The following AP3S2 variants were observed in gnomAD, a reference collection of about 807,000 sequenced individuals.
AP3S2 encodes adaptor related protein complex 3 subunit sigma 2, also known as AP-3 complex subunit sigma-2.
In AP3S2, 22 loss-of-function variants were observed where a neutral mutation model predicts 23.4. The observed-to-expected ratio is 0.94, with a 90% CI of 0.67 to 1.34. AP3S2 has a LOEUF of 1.34. AP3S2 is among the 40% of genes most tolerant of loss of function. The probability of loss-of-function intolerance (pLI) is 0.00; values close to 1 mark genes in which losing one functional copy is unlikely to be tolerated. For synonymous variants in AP3S2, 86 were observed against 87.1 expected (o/e 0.99, Z 0.07); for missense variants, 241 against 236.9 (o/e 1.02, Z -0.11).
intron 3 of AP3S2, chr15:89,877,259 T>G: frequency 8.1e-7 from 1 of 1,230,556 alleles, no homozygotes; most frequent in Non-Finnish European, 1.1e-6. Flanking sequence ...GGATTGGGTT[T>G]CACATCTTCA....
At chr15:89,857,033 A>G (rs1035922939) in intron 4 of AP3S2, among the ~76,000 whole-genome samples, 2 of 152,214 alleles carry the variant, frequency 1.3e-5, no homozygotes, top group Non-Finnish European at 2.9e-5. Context: ...TTTACAATCT[A>G]CTAGAAACAG....
chr15:89,835,342 G>A lies in AP3S2; in HGVS notation c.*173C>T, dbSNP rs1193991022. On this transcript the variant is annotated 3_prime_UTR_variant, in exon 6 of 6. Transcript: ENST00000336418. ...TGAGAACTGGGTGCACCCGAGCAGT[G>A]TCAATAGGAATCCCTTCCCTATTCC... is the stretch of plus-strand genomic sequence containing the variant. The A allele has an allele frequency of 8.7e-7, 1 of 1,149,196 alleles. No individual in the cohort carries two copies. Among genetic ancestry groups the A allele is most frequent in the East Asian group, 2.4e-5 (1 of 41,432 alleles). 71.2% of individuals were successfully genotyped at this position (1,149,196 alleles called of 1,614,324 possible).
chr15:89,859,399 C>CTTTTTT (rs58123055), intron 4 of AP3S2, among the ~76,000 whole-genome samples: 8 of 118,044 alleles, frequency 6.8e-5, no homozygotes, highest in Admixed American at 2.0e-4. Context: ...TTCTTTCTTT[C>CTTTTTT]TTTTTTTTTT....
intron 4 of AP3S2, among the ~76,000 whole-genome samples, chr15:89,867,270 TC>T (rs1231843545): frequency 6.7e-6 from 1 of 150,126 alleles, no homozygotes; most frequent in Non-Finnish European, 1.5e-5. Context: ...AGCCTTGGCC[TC>T]CCGAGGTGCC....
intron 4 of AP3S2, among the ~76,000 whole-genome samples, chr15:89,853,285 G>A (rs1364040247): frequency 1.3e-5 from 2 of 152,122 alleles, no homozygotes; most frequent in Non-Finnish European, 2.9e-5. Flanking sequence ...TAAAAATAAA[G>A]ACAAATTCAC....
chr15:89,842,544 T>C (rs1391537567), intron 4 of AP3S2, among the ~76,000 whole-genome samples: 2 of 152,256 alleles, frequency 1.3e-5, no homozygotes, highest in Non-Finnish European at 2.9e-5. Context: ...TAATATTTAA[T>C]GCTAACAGAA....
chr15:89,891,340 A>G (rs1365800020), intron 1 of AP3S2, among the ~76,000 whole-genome samples: 7 of 152,204 alleles, frequency 4.6e-5, no homozygotes, highest in Admixed American at 4.6e-4. Context: ...GCTCAACATC[A>G]TTAGTCATTT....
chr15:89,868,045 T>C (rs1235951654), intron 4 of AP3S2, among the ~76,000 whole-genome samples: 1 of 124,892 alleles, frequency 8.0e-6, no homozygotes, highest in Non-Finnish European at 1.7e-5. Flanking sequence ...GGGGCGCCTC[T>C]GCCCGGCCGC....
At chr15:89,866,593 C>T (rs1896128109) in intron 4 of AP3S2, among the ~76,000 whole-genome samples, 1 of 151,240 alleles carries the variant, frequency 6.6e-6, no homozygotes, top group Admixed American at 6.6e-5. Flanking sequence ...TCAAGTGATT[C>T]TCCTGTCTCA....
At chr15:89,889,208 G>A in intron 1 of AP3S2, 68 bp from the exon 2 acceptor site, 2 of 1,535,274 alleles carry the variant, frequency 1.3e-6, no homozygotes, top group Admixed American at 1.7e-5. Context: ...CATGGGGATG[G>A]ACAAGGGAAG....
chr15:89,847,019 A>G (rs540926704), intron 4 of AP3S2, among the ~76,000 whole-genome samples: 4 of 152,226 alleles, frequency 2.6e-5, no homozygotes, highest in Admixed American at 6.5e-5. Flanking sequence ...CATCCCTTGA[A>G]GGTACTTGCT....
Position 89,835,871 on chromosome 15 carries a change from T to C in AP3S2, c.454-228A>G, listed in dbSNP as rs147800094. Among the ~76,000 whole-genome samples, 983 of 151,948 alleles carry C rather than the reference T, an allele frequency of 6.5e-3. 2 individuals are homozygous for C. The highest frequency in any genetic ancestry group is 0.024 in the Middle Eastern group (7 of 294). On this transcript the variant is annotated intron_variant, in intron 5 of 5. Transcript: ENST00000336418. ...GGTGAAACCCCATCTCTACCAAAAATACAAAAATTGGCCAGGAGTGGTGGC... is the reference window on the plus strand; with the variant it reads ...GGTGAAACCCCATCTCTACCAAAAACACAAAAATTGGCCAGGAGTGGTGGC...
chr15:89,875,720 G>A (rs1288325924), intron 3 of AP3S2, among the ~76,000 whole-genome samples: 2 of 152,152 alleles, frequency 1.3e-5, no homozygotes, highest in African/African-American at 4.8e-5. Flanking sequence ...AGGCCAAGGT[G>A]GGCAAATTGC....
At chr15:89,867,994 G>A (rs1486539471) in intron 4 of AP3S2, among the ~76,000 whole-genome samples, 5 of 145,456 alleles carry the variant, frequency 3.4e-5, no homozygotes, top group East Asian at 4.3e-4. Context: ...AGGTGGGGGG[G>A]TCAGCCCCCC....
At chr15:89,840,705 G>C (rs1895308204) in intron 4 of AP3S2, among the ~76,000 whole-genome samples, 1 of 152,184 alleles carries the variant, frequency 6.6e-6, no homozygotes, top group South Asian at 2.1e-4. Context: ...TGAGATTACA[G>C]GCGTGAGCCA....
At chr15:89,869,380 G>C (rs560421827) in intron 4 of AP3S2, among the ~76,000 whole-genome samples, 1 of 148,966 alleles carries the variant, frequency 6.7e-6, no homozygotes, top group South Asian at 2.2e-4. Context: ...CAGCATGCGC[G>C]TTAAGAGTCA....
intron 4 of AP3S2, among the ~76,000 whole-genome samples, chr15:89,863,748 A>T (rs1167988941): frequency 6.6e-6 from 1 of 152,192 alleles, no homozygotes; most frequent in Non-Finnish European, 1.5e-5. Context: ...TCTAATGAAG[A>T]TCTTAAAGAC....
intron 4 of AP3S2, among the ~76,000 whole-genome samples, chr15:89,852,877 T>A (rs1296296830): frequency 6.6e-6 from 1 of 152,066 alleles, no homozygotes; most frequent in East Asian, 1.9e-4. Context: ...AAACACAAGT[T>A]ACAAAAATAG....
chr15:89,869,490 T>G (rs1896261904), intron 4 of AP3S2, among the ~76,000 whole-genome samples: 2 of 144,416 alleles, frequency 1.4e-5, no homozygotes, highest in Non-Finnish European at 3.0e-5. Context: ...CACTTGTTTA[T>G]CTGCTGACCT....
Sources: gnomAD v4.1 joint callset for allele counts (sites outside exome capture counted in the v4.1 genomes callset) on GRCh38, gnomAD v4.1.1 for gene constraint, MANE v1.5 for transcripts, NCBI Gene and HGNC (gene_info 2026-07-23, HGNC 2026-07-21) for gene names.